Variants in PCDHA1 observed in about 807,000 individuals in gnomAD.
The protein encoded by PCDHA1 is protocadherin alpha-1.
In PCDHA1, 42 loss-of-function variants were observed where a neutral mutation model predicts 61.3. The ratio of observed to expected loss-of-function variants is 0.69; its 90% CI spans 0.54 to 0.89. PCDHA1 has a LOEUF of 0.89. PCDHA1 is among the 40% of genes least tolerant of loss of function. PCDHA1 has a pLI of 0.00. For missense variants in PCDHA1, 1,256 were observed against 1,235.3 expected, an observed-to-expected ratio of 1.02 and a Z score of -0.25; for synonymous variants, 610 against 553.8, an observed-to-expected ratio of 1.10 and a Z score of -1.43.
intron 1 of PCDHA1, among the ~76,000 whole-genome samples, chr5:140,937,175 C>A: frequency 6.6e-6 from 1 of 151,650 alleles, no homozygotes; most frequent in Non-Finnish European, 1.5e-5. Context: ...GTAGCTGGGA[C>A]TACAGGCGCC....
At position 140,830,355 on chromosome 5, in the gene PCDHA1, G is replaced by T. The variant is rs2150185270; in HGVS notation, c.2394+41671G>T. The T allele has an allele frequency of 1.8e-5, 29 of 1,614,002 alleles. No individual in the cohort carries two copies. The African/African-American group carries it at 2.7e-4, about 15-fold the overall frequency. ...AGCTGGTCGTACTCGCAGCAGAGGC[G>T]GCAGAGGGTGTGCTCCGGGGAGGGC... On this transcript the variant is annotated intron_variant, in intron 1 of 3. Coordinates refer to ENST00000504120, the MANE Select transcript of PCDHA1 (RefSeq NM_018900.4).
rs782448071 is a variant in PCDHA1 at position 140,858,265 on chromosome 5, C to T, written c.2394+69581C>T. The T allele has an allele frequency of 4.1e-5, 66 of 1,597,068 alleles. 7 individuals carry two copies. Among genetic ancestry groups the T allele is most frequent in the Non-Finnish European group, 5.4e-5 (63 of 1,166,972 alleles). ...GGCCGGTGAAGCCCACGCTGGTGTG[C>T]TCTAGCGCGGTGGGGAGCTGGTCTT... On this transcript the variant is annotated intron_variant, in intron 1 of 3. Coordinates refer to ENST00000504120, the MANE Select transcript of PCDHA1 (RefSeq NM_018900.4).
intron 1 of PCDHA1, chr5:140,829,458 C>T (rs2150168320): frequency 1.2e-6 from 2 of 1,613,890 alleles, no homozygotes; most frequent in Admixed American, 3.3e-5. Flanking sequence ...CCGGCGTTCG[C>T]GCAGCCCGAG....
intron 1 of PCDHA1, chr5:140,861,770 C>CCAAT (rs386405128): frequency 6.2e-6 from 1 of 161,486 alleles, no homozygotes; most frequent in Non-Finnish European, 1.3e-5. Flanking sequence ...CCTGGAAATA[C>CCAAT]CAAGAGCAGG....
chr5:140,943,357 A>G (rs974685573), intron 1 of PCDHA1, among the ~76,000 whole-genome samples: 3 of 152,026 alleles, frequency 2.0e-5, no homozygotes, highest in Non-Finnish European at 4.4e-5. Flanking sequence ...AGTAGAGGAA[A>G]GGAGATCATT....
At chr5:140,867,714 T>C (rs1345564202) in intron 1 of PCDHA1, 1 of 152,070 alleles carries the variant, frequency 6.6e-6, no homozygotes, top group Non-Finnish European at 1.5e-5. Flanking sequence ...CCTAAGGGTA[T>C]ATGAAAAGAC....
chr5:140,801,916 C>T (rs936870383), intron 1 of PCDHA1: 14 of 1,614,068 alleles, frequency 8.7e-6, no homozygotes, highest in African/African-American at 1.3e-5. Flanking sequence ...GACAACGCCC[C>T]AGCGTTTGAG....
At chr5:140,870,371 T>C (rs1419353241) in intron 1 of PCDHA1, 52 of 1,613,894 alleles carry the variant, frequency 3.2e-5, no homozygotes, top group Non-Finnish European at 4.2e-5. Flanking sequence ...TATGAACTGG[T>C]GGTGACTGCG....
intron 1 of PCDHA1, among the ~76,000 whole-genome samples, chr5:140,913,425 G>A (rs919355007): frequency 1.1e-4 from 16 of 152,094 alleles, no homozygotes; most frequent in African/African-American, 1.2e-4. Context: ...AGTATCAGTT[G>A]TAATGCCTCC....
rs1282468969 is a variant in PCDHA1 at position 140,823,212 on chromosome 5, G to C, written c.2394+34528G>C. 4.3e-6 allele frequency: 7 copies of C among 1,613,784 alleles called. No homozygotes were observed. In the East Asian group the frequency reaches 1.6e-4, roughly 36 times the overall value. The stretch of plus-strand genomic sequence containing the variant: ...GCCACATCTTCACGGTGTCTGCACG[G>C]GACGCGGACGCGCAGGAGAACGCCC... On this transcript the variant is annotated intron_variant, in intron 1 of 3. Coordinates refer to ENST00000504120, the MANE Select transcript of PCDHA1 (RefSeq NM_018900.4).
intron 1 of PCDHA1, among the ~76,000 whole-genome samples, chr5:140,943,827 A>T (rs1474835023): frequency 2.0e-5 from 3 of 152,208 alleles, no homozygotes; most frequent in Non-Finnish European, 4.4e-5. Flanking sequence ...AAATGAGTTG[A>T]TTGAAGTTGT....
At chr5:140,965,853 A>G (rs1554227879) in intron 1 of PCDHA1, among the ~76,000 whole-genome samples, 2 of 152,220 alleles carry the variant, frequency 1.3e-5, no homozygotes, top group Non-Finnish European at 2.9e-5. Flanking sequence ...CAAGGCACAC[A>G]CTGAAAATAA....
At position 140,848,200 on chromosome 5, in the gene PCDHA1, A is replaced by G. The variant is rs1011742191; in HGVS notation, c.2394+59516A>G. On this transcript the variant is annotated intron_variant, in intron 1 of 3. Transcript: ENST00000504120. ...AGAAACGGGATCTTCTGTTTCAACA[A>G]TCATTACTTAAGAAAAAATTAAGAA... is the stretch of plus-strand genomic sequence containing the variant. 48 of 323,068 alleles carry G rather than the reference A, an allele frequency of 1.5e-4. 5 individuals carry two copies. Among genetic ancestry groups the G allele is most frequent in the Non-Finnish European group, 1.1e-5 (2 of 175,496 alleles). 20.0% of individuals were successfully genotyped at this position (323,068 alleles called of 1,614,324 possible). A position where few individuals can be genotyped will look rare whatever the true frequency, so the allele number is the denominator to read the frequency against.
At chr5:140,930,209 T>C (rs752393887) in intron 1 of PCDHA1, 4 of 152,266 alleles carry the variant, frequency 2.6e-5, no homozygotes, top group Non-Finnish European at 5.9e-5. Flanking sequence ...GAAATATTTA[T>C]GTGTTCAAAG....
intron 1 of PCDHA1, chr5:140,884,824 T>C: frequency 1.0e-6 from 1 of 993,590 alleles, no homozygotes; most frequent in Non-Finnish European, 1.4e-6. Context: ...ACATTATGTG[T>C]TGGATTATCC....
intron 1 of PCDHA1, among the ~76,000 whole-genome samples, chr5:140,935,913 GACAGATTC>G (rs1178474379): frequency 8.0e-6 from 1 of 125,106 alleles, no homozygotes; most frequent in Admixed American, 8.3e-5. Context: ...TTTTTTTTGA[GACAGATTC>G]TCATTCTGTT....
intron 1 of PCDHA1, chr5:140,851,486 C>A (rs2042075619): frequency 1.1e-6 from 1 of 886,576 alleles, no homozygotes; most frequent in Middle Eastern, 5.8e-4. Context: ...ATAAACACAG[C>A]CTTCATTTCA....
At chr5:140,929,319 T>C in intron 1 of PCDHA1, 1 of 1,545,486 alleles carries the variant, frequency 6.5e-7, no homozygotes, top group Non-Finnish European at 8.7e-7. Flanking sequence ...CTAATGTCAA[T>C]GCCATGGTAA....
At chr5:140,796,155 G>C (rs782065260) in intron 1 of PCDHA1, 3 of 1,614,200 alleles carry the variant, frequency 1.9e-6, no homozygotes, top group South Asian at 1.1e-5. Context: ...CTTTCAAGCT[G>C]GTGTCCACCT....
Sources: allele counts gnomAD v4.1 joint callset (sites outside exome capture counted in the v4.1 genomes callset), GRCh38; gene constraint gnomAD v4.1.1; transcripts MANE v1.5; gene names NCBI Gene and HGNC (gene_info 2026-07-23, HGNC 2026-07-21).